The following ABCD4 variants were observed in gnomAD, a reference collection of about 807,000 sequenced individuals.
The protein encoded by ABCD4 is ATP binding cassette subfamily D member 4, also known as lysosomal cobalamin transporter ABCD4.
Under a neutral mutation model 86.3 loss-of-function variants are expected in ABCD4, and 53 were observed. The ratio of observed to expected loss-of-function variants is 0.61; its 90% CI spans 0.49 to 0.77. ABCD4 has a LOEUF of 0.77. Ranked by LOEUF, ABCD4 falls within the 30% of genes least tolerant of loss-of-function variation. ABCD4 has a pLI of 0.00. For missense variants in ABCD4, 757 were observed against 764.5 expected (o/e 0.99, Z 0.12); for synonymous variants, 328 against 313.6 (o/e 1.05, Z -0.49).
chr14:74,286,387 C>T lies in ABCD4; in HGVS notation c.*74G>A, dbSNP rs775597361. On this transcript the variant is annotated 3_prime_UTR_variant, in exon 19 of 19. Transcript: ENST00000356924. ...GTGGCGAACCTGAGCTCGATCTTCGCTGTCAGTCCTCCTGGTCTCTCCTGA... is the reference window on the plus strand; with the variant it reads ...GTGGCGAACCTGAGCTCGATCTTCGTTGTCAGTCCTCCTGGTCTCTCCTGA... 6 of 1,527,388 alleles carry T rather than the reference C, an allele frequency of 3.9e-6. No homozygotes were observed. Among genetic ancestry groups the T allele is most frequent in the Non-Finnish European group, 5.4e-6 (6 of 1,104,144 alleles). The allele number at this position is 1,527,388 out of a possible 1,614,324, so 94.6% of individuals were successfully genotyped here.
Position 74,295,294 on chromosome 14 carries a change from C to T in ABCD4, c.669-96G>A, listed in dbSNP as rs1046065949. 19 of 1,449,700 alleles carry T rather than the reference C, an allele frequency of 1.3e-5. No individual in the cohort carries two copies. In the African/African-American group the frequency reaches 1.4e-4, roughly 11 times the overall value. The allele number at this position is 1,449,700 out of a possible 1,614,324, so 89.8% of individuals were successfully genotyped here. ...TCACAAAGACCGCCCAAGCGGAGCC[C>T]GGCTCTGCCTCAAAACCGTGGCTGC... On this transcript the variant is annotated intron_variant, in intron 6 of 18. Coordinates refer to ENST00000356924, the MANE Select transcript of ABCD4 (RefSeq NM_005050.4).
intron 3 of ABCD4, chr14:74,299,009 T>G: frequency 6.5e-6 from 1 of 154,422 alleles, no homozygotes; most frequent in Non-Finnish European, 1.4e-5. Flanking sequence ...AAGGGCAGAG[T>G]TTGGTGGAGG....
intron 3 of ABCD4, among the ~76,000 whole-genome samples, chr14:74,298,422 C>A: frequency 6.6e-6 from 1 of 152,194 alleles, no homozygotes; most frequent in East Asian, 1.9e-4. Flanking sequence ...CAGGCATGCA[C>A]CACCACGCCC....
At position 74,297,914 on chromosome 14, in the gene ABCD4, G is replaced by A; in HGVS notation, c.425+16C>T. 3 of 1,609,870 alleles carry A rather than the reference G, an allele frequency of 1.9e-6. No homozygotes were observed. Among genetic ancestry groups the A allele is most frequent in the Non-Finnish European group, 2.5e-6 (3 of 1,178,404 alleles). ...GACCACACAGAGTGTAGAAAGGACT[G>A]AGTTGGGGCGCCTACGGGTTATCGA... On this transcript the variant is annotated intron_variant, in intron 4 of 18. Coordinates refer to ENST00000356924, the MANE Select transcript of ABCD4 (RefSeq NM_005050.4).
chr14:74,295,142 A>T lies in ABCD4; in HGVS notation c.719+6T>A. 3 of 1,614,050 alleles carry T rather than the reference A, an allele frequency of 1.9e-6. No homozygotes were observed. The highest frequency in any genetic ancestry group is 2.5e-6 in the Non-Finnish European group (3 of 1,179,952). On this transcript the variant is annotated splice_donor_region_variant and intron_variant, in intron 7 of 18. Transcript: ENST00000356924. ...GGCAGAAGGGGAACCATCTCTCCAG[A>T]CTCACCTGTAGAAAGCAGCAGGCTC... is the stretch of plus-strand genomic sequence containing the variant.
chr14:74,289,587 C>T, intron 13 of ABCD4, 68 bp from the exon 14 acceptor site: 1 of 1,588,634 alleles, frequency 6.3e-7, no homozygotes, highest in South Asian at 1.1e-5. Flanking sequence ...CACAGCCCAC[C>T]CTCCCTCCAG....
chr14:74,292,757 C>T lies in ABCD4; in HGVS notation c.927G>A (p.Leu309=), dbSNP rs758557971. 6 of 1,613,886 alleles carry T rather than the reference C, an allele frequency of 3.7e-6. No individual in the cohort carries two copies. Among genetic ancestry groups the T allele is most frequent in the Non-Finnish European group, 5.1e-6 (6 of 1,179,956 alleles). ...GDLSPAELST[L]VSKNAFVCIY... ...CAAGAGGGAGTCTCACCTTGCTGAC[C>T]AGGGTGCTAAGCTCTGCGGGACTCA... The change falls in exon 9 of 19, where the codon CTG becomes CTA. Residue 309 remains leucine, a synonymous_variant. Transcript: ENST00000356924.
chr14:74,302,293 A>G (rs2084811584), intron 1 of ABCD4, among the ~76,000 whole-genome samples: 1 of 152,216 alleles, frequency 6.6e-6, no homozygotes, highest in Non-Finnish European at 1.5e-5. Flanking sequence ...CAAGATGACT[A>G]GCATGGATGG....
intron 13 of ABCD4, 154 bp downstream of exon 13, chr14:74,289,873 G>T: frequency 6.8e-7 from 1 of 1,477,258 alleles, no homozygotes; most frequent in Non-Finnish European, 8.9e-7. Context: ...TGAATAGAAG[G>T]TTCTTAGAGC....
intron 13 of ABCD4, 31 bp downstream of exon 13, chr14:74,289,996 G>A: frequency 6.2e-7 from 1 of 1,613,874 alleles, no homozygotes; most frequent in Non-Finnish European, 8.5e-7. Flanking sequence ...GGGTTGAGGA[G>A]GGAGGAGTGA....
At position 74,295,992 on chromosome 14, in the gene ABCD4, G is replaced by A. The variant is rs1047851763; in HGVS notation, c.543-13C>T. ...GAGCCAGCCTGTGCTGAAATAGAGAGAGAGGGAGAGAAGGGAGAGGGTGTG... is the reference window on the plus strand; with the variant it reads ...GAGCCAGCCTGTGCTGAAATAGAGAAAGAGGGAGAGAAGGGAGAGGGTGTG... On this transcript the variant is annotated splice_polypyrimidine_tract_variant and intron_variant, in intron 5 of 18. Coordinates refer to ENST00000356924, the MANE Select transcript of ABCD4 (RefSeq NM_005050.4). The A allele has an allele frequency of 6.3e-7, 1 of 1,591,544 alleles. No individual in the cohort carries two copies. Among genetic ancestry groups the A allele is most frequent in the Non-Finnish European group, 8.5e-7 (1 of 1,172,008 alleles).
intron 11 of ABCD4, among the ~76,000 whole-genome samples, chr14:74,291,564 G>C (rs962739189): frequency 2.0e-5 from 3 of 152,216 alleles, no homozygotes; most frequent in African/African-American, 7.2e-5. Context: ...GCTCCCCACA[G>C]AACAGCAATT....
intron 1 of ABCD4, among the ~76,000 whole-genome samples, chr14:74,301,696 C>G (rs920373868): frequency 1.3e-5 from 2 of 149,120 alleles, no homozygotes; most frequent in African/African-American, 2.5e-5. Context: ...CACCTGAGGT[C>G]AGGAGTTCAA....
Position 74,302,859 on chromosome 14 carries a change from C to T in ABCD4, c.38+16G>A, listed in dbSNP as rs539958585. ...AACTCCTGCTCCCAAACCTCCTCCCCGACCGCCCTGCTTACCTGGCGCCAG... is the reference window on the plus strand; with the variant it reads ...AACTCCTGCTCCCAAACCTCCTCCCTGACCGCCCTGCTTACCTGGCGCCAG... On this transcript the variant is annotated intron_variant, in intron 1 of 18. Transcript: ENST00000356924. The T allele has an allele frequency of 2.5e-6, 4 of 1,605,440 alleles. No homozygotes were observed. The highest frequency in any genetic ancestry group is 1.7e-4 in the Middle Eastern group (1 of 6,030).
intron 1 of ABCD4, 30 bp downstream of exon 1, chr14:74,302,845 C>G (rs2085061213): frequency 1.2e-6 from 2 of 1,603,382 alleles, no homozygotes; most frequent in South Asian, 2.2e-5. Flanking sequence ...ACTCCTGCTC[C>G]CAAACCTCCT....
At chr14:74,295,585 G>A (rs2082648959) in intron 6 of ABCD4, 2 of 559,754 alleles carry the variant, frequency 3.6e-6, no homozygotes, top group Non-Finnish European at 6.2e-6. Flanking sequence ...GCCAAGAGAT[G>A]ACAATGACGA....
At chr14:74,298,113 G>A (rs1373450074) in intron 3 of ABCD4, 44 bp from the exon 4 acceptor site, 1 of 1,601,078 alleles carries the variant, frequency 6.2e-7, no homozygotes, top group Admixed American at 1.8e-5. Context: ...ATGGCTTCCT[G>A]AAAATCTCAG....
chr14:74,286,745 C>T lies in ABCD4; in HGVS notation c.1708G>A (p.Gly570Arg), dbSNP rs938771170. The T allele has an allele frequency of 2.5e-6, 4 of 1,614,032 alleles. No individual in the cohort carries two copies. The highest frequency in any genetic ancestry group is 2.7e-5 in the African/African-American group (2 of 74,950). The change falls in exon 18 of 19, where the codon GGG (glycine) becomes AGG (arginine). Residue 570 changes from glycine to arginine, a missense_variant. Transcript: ENST00000356924. ...TGTCCCACACTGATGAACGTCATCC[C>T]CAGCTGCTGGCCGATGCGATAGAGC... Reference protein sequence around the residue: ...SELYRIGQQLGMTFISVGHRQ... With the variant: ...SELYRIGQQLRMTFISVGHRQ...
Position 74,296,506 on chromosome 14 carries a change from GAAC to G in ABCD4, c.426-60_426-58del, listed in dbSNP as rs1034433860. On this transcript the variant is annotated intron_variant, in intron 4 of 18. Coordinates refer to ENST00000356924, the MANE Select transcript of ABCD4 (RefSeq NM_005050.4). ...AGGGAGATGGGCCCAAAGGTAGAGA[GAAC>G]AAGAAACTTTCACATCACCTCTGCT... The G allele has an allele frequency of 6.6e-6, 10 of 1,514,920 alleles. No homozygotes were observed. In the East Asian group the frequency reaches 2.0e-4, roughly 31 times the overall value. 93.8% of individuals were successfully genotyped at this position (1,514,920 alleles called of 1,614,324 possible).
Sources: allele counts gnomAD v4.1 joint callset (sites outside exome capture counted in the v4.1 genomes callset), GRCh38; gene constraint gnomAD v4.1.1; transcripts MANE v1.5; gene names NCBI Gene and HGNC (gene_info 2026-07-23, HGNC 2026-07-21).